The following METRN variants were observed in gnomAD, a reference collection of about 807,000 sequenced individuals.
METRN encodes the protein meteorin, glial cell differentiation regulator.
Under a neutral mutation model 17.4 loss-of-function variants are expected in METRN, and 17 were observed. The ratio of observed to expected loss-of-function variants is 0.98; its 90% CI spans 0.67 to 1.46. The LOEUF (loss-of-function observed/expected upper bound fraction) is 1.46, where lower values mean the gene tolerates loss of function less well. METRN is among the 40% of genes most tolerant of loss of function. The pLI, the probability that METRN is intolerant of heterozygous loss-of-function variation, is 0.00. For missense variants in METRN, 489 were observed against 456.2 expected (o/e 1.07, Z -0.65); for synonymous variants, 230 against 210.8 (o/e 1.09, Z -0.79).
Position 719,446 on chromosome 16 carries a change from G to C in METRN, c.*2059G>C, listed in dbSNP as rs1366719513. Reference sequence around the variant, plus strand: ...CGCCAGGCAAGTGCCAGTTCACACAGGTACAGGTGGCTGCAGAGTGCCCAA... The same window carrying C: ...CGCCAGGCAAGTGCCAGTTCACACACGTACAGGTGGCTGCAGAGTGCCCAA... On this transcript the variant is annotated 3_prime_UTR_variant, in exon 4 of 4. Transcript: ENST00000568223. 1.3e-5 allele frequency: 2 copies of C among 152,326 alleles called. No individual in the cohort carries two copies. Among genetic ancestry groups the C allele is most frequent in the African/African-American group, 4.8e-5 (2 of 41,460 alleles). The allele number at this position is 152,326 out of a possible 1,614,324, so 9.4% of individuals were successfully genotyped here.
chr16:715,969 G>GTCTGT lies in METRN; in HGVS notation c.490_491insTCTGT (p.Gly164ValfsTer6). 1.3e-6 allele frequency: 2 copies of GTCTGT among 1,496,880 alleles called. No individual in the cohort carries two copies. Among genetic ancestry groups the GTCTGT allele is most frequent in the South Asian group, 1.2e-5 (1 of 81,026 alleles). The allele number at this position is 1,496,880 out of a possible 1,614,324, so 92.7% of individuals were successfully genotyped here. On this transcript the variant is annotated frameshift_variant, in exon 2 of 4. Transcript: ENST00000568223. LOFTEE classifies it high-confidence loss of function. ...CCCCGAGCTGCCCCCGCAGGCCCAC[G>GTCTGT]GTCTCGGCGTAGACGGTGAGTGGCG...
chr16:715,523 G>A (rs1047054508), intron 1 of METRN, 61 bp from the exon 2 acceptor site: 2 of 1,282,754 alleles, frequency 1.6e-6, no homozygotes, highest in Non-Finnish European at 2.0e-6. Context: ...GGGAGGGAGC[G>A]GGGGCTGCGC....
rs752164556 is a variant in METRN at position 716,953 on chromosome 16, G to A, written c.526G>A (p.Asp176Asn). ...GCCAGGTGCCTGCAGGCCCTGCAGC[G>A]ACGCTGAGCTGCTCCTGGCCGCATG... ...GVDGACRPCS[D>N]AELLLAACTS... Residue 176 changes from aspartate (D) to asparagine (N), a missense_variant, in exon 3 of 4, where the codon GAC becomes AAC. Asp to Asn is a conservative substitution (Grantham distance 23). Transcript: ENST00000568223. The A allele has an allele frequency of 1.4e-5, 22 of 1,576,410 alleles. No homozygotes were observed. The highest frequency in any genetic ancestry group is 1.8e-5 in the Non-Finnish European group (21 of 1,159,078).
chr16:718,127 G>T lies in METRN; in HGVS notation c.*740G>T, dbSNP rs2040176776. ...TTGTTGCCTGTTTCCGGCGGGCGGG[G>T]TGCACAATGGGGTCTCTAAGGACCG... On this transcript the variant is annotated 3_prime_UTR_variant, in exon 4 of 4. Coordinates refer to ENST00000568223, the MANE Select transcript of METRN (RefSeq NM_024042.4). 6.6e-6 allele frequency: 1 copy of T among 152,310 alleles called. No homozygotes were observed. Among genetic ancestry groups the T allele is most frequent in the Non-Finnish European group, 1.5e-5 (1 of 68,094 alleles). The allele number at this position is 152,310 out of a possible 1,614,324, so 9.4% of individuals were successfully genotyped here. A position where few individuals can be genotyped will look rare whatever the true frequency, so the allele number is the denominator to read the frequency against.
chr16:716,404 G>A, intron 2 of METRN: 3 of 1,427,128 alleles, frequency 2.1e-6, no homozygotes, highest in Non-Finnish European at 2.7e-6. Flanking sequence ...GACGCCGCTC[G>A]CCTCCCTGCA....
At position 715,272 on chromosome 16, in the gene METRN, G is replaced by C; in HGVS notation, c.-18G>C. ...CGGTGGTGAGAGCCCCGACTCCCCG[G>C]ACGCCGCCCGCCGTGCCATGGGGTT... is the stretch of plus-strand genomic sequence containing the variant. On this transcript the variant is annotated 5_prime_UTR_variant, in exon 1 of 4. Transcript: ENST00000568223. 1 of 1,291,748 alleles carries C rather than the reference G, an allele frequency of 7.7e-7. No individual in the cohort carries two copies. Among genetic ancestry groups the C allele is most frequent in the Non-Finnish European group, 9.8e-7 (1 of 1,015,276 alleles). 80.0% of individuals were successfully genotyped at this position (1,291,748 alleles called of 1,614,324 possible).
At position 715,818 on chromosome 16, in the gene METRN, G is replaced by A. The variant is rs1052765134; in HGVS notation, c.339G>A (p.Pro113=). The A allele has an allele frequency of 8.4e-5, 106 of 1,266,630 alleles. No individual in the cohort carries two copies. Among genetic ancestry groups the A allele is most frequent in the Non-Finnish European group, 9.2e-5 (93 of 1,009,132 alleles). The allele number at this position is 1,266,630 out of a possible 1,614,324, so 78.5% of individuals were successfully genotyped here. The change falls in exon 2 of 4, where the codon CCG becomes CCA. Residue 113 remains proline (P), a synonymous_variant. Coordinates refer to ENST00000568223, the MANE Select transcript of METRN (RefSeq NM_024042.4). ...TGCTGCTGGCCGAGGGCCCGGGCCC[G>A]GCAGGGGGCCGCTGCGTGCGCTGGG... The part of the protein sequence containing the change: ...LELLLAEGPG[P]AGGRCVRWGP...
chr16:716,429 G>A (rs897988906), intron 2 of METRN: 1 of 1,433,706 alleles, frequency 7.0e-7, no homozygotes, highest in South Asian at 1.5e-5. Context: ...ACCAGGCCCA[G>A]CTCTTGCTTG....
chr16:717,075 T>C lies in METRN; in HGVS notation c.570T>C (p.Ile190=). The C allele has an allele frequency of 6.2e-7, 1 of 1,611,082 alleles. No individual in the cohort carries two copies. Residue 190 remains isoleucine, a synonymous_variant, in exon 4 of 4, where the codon ATT becomes ATC. Coordinates refer to ENST00000568223, the MANE Select transcript of METRN (RefSeq NM_024042.4). The part of the protein sequence containing the change: ...LLAACTSDFV[I]HGIIHGVTHD... ...CAGCCACATGCCTCCCCACAGTAATTCACGGGATCATCCATGGGGTCACCC... is the reference window on the plus strand; with the variant it reads ...CAGCCACATGCCTCCCCACAGTAATCCACGGGATCATCCATGGGGTCACCC...
chr16:715,536 G>GGCGGGGACCCGCCCCCGTCTCA, intron 1 of METRN, 48 bp from the exon 2 acceptor site: 1 of 1,289,800 alleles, frequency 7.8e-7, no homozygotes, highest in South Asian at 2.3e-5. Context: ...GGCTGCGCCG[G>GGCGGGGACCCGCCCCCGTCTCA]GCGGGGACCC....
chr16:715,990 T>C lies in METRN; in HGVS notation c.505+6T>C. On this transcript the variant is annotated splice_donor_region_variant and intron_variant, in intron 2 of 3. Transcript: ENST00000568223. ...CCACGGTCTCGGCGTAGACGGTGAGTGGCGGTCTGGTTGGGACAGGGTGGG... is the reference window on the plus strand; with the variant it reads ...CCACGGTCTCGGCGTAGACGGTGAGCGGCGGTCTGGTTGGGACAGGGTGGG... 7.1e-7 allele frequency: 1 copy of C among 1,401,312 alleles called. No individual in the cohort carries two copies. Among genetic ancestry groups the C allele is most frequent in the Admixed American group, 2.6e-5 (1 of 38,796 alleles). 86.8% of individuals were successfully genotyped at this position (1,401,312 alleles called of 1,614,324 possible). A position where few individuals can be genotyped will look rare whatever the true frequency, so the allele number is the denominator to read the frequency against.
Position 718,531 on chromosome 16 carries a change from G to T in METRN, c.*1144G>T. 1 of 152,324 alleles carries T rather than the reference G, an allele frequency of 6.6e-6. No homozygotes were observed. The highest frequency in any genetic ancestry group is 1.9e-4 in the East Asian group (1 of 5,208). The allele number at this position is 152,324 out of a possible 1,614,324, so 9.4% of individuals were successfully genotyped here. On this transcript the variant is annotated 3_prime_UTR_variant, in exon 4 of 4. Transcript: ENST00000568223. ...CAGCTGTGCAGGGCCCACAAACACG[G>T]TCCTTTCTCTAGGTTAGCGGATGCA...
At position 715,877 on chromosome 16, in the gene METRN, C is replaced by T; in HGVS notation, c.398C>T (p.Ala133Val). The change falls in exon 2 of 4, where the codon GCC becomes GTC. Residue 133 changes from alanine to valine, a missense_variant. Coordinates refer to ENST00000568223, the MANE Select transcript of METRN (RefSeq NM_024042.4). The part of the protein sequence containing the change: ...PRERRALFLQ[A>V]TPHQDISRRV... ...GAGCGCCGGGCCCTCTTCCTGCAGG[C>T]CACGCCGCACCAGGACATCAGCCGC... 1 of 1,427,958 alleles carries T rather than the reference C, an allele frequency of 7.0e-7. No homozygotes were observed. The highest frequency in any genetic ancestry group is 9.1e-7 in the Non-Finnish European group (1 of 1,096,376). 88.5% of individuals were successfully genotyped at this position (1,427,958 alleles called of 1,614,324 possible). A position where few individuals can be genotyped will look rare whatever the true frequency, so the allele number is the denominator to read the frequency against.
chr16:717,065 C>G lies in METRN; in HGVS notation c.566-6C>G. The stretch of plus-strand genomic sequence containing the variant: ...ATGCCTACCGCAGCCACATGCCTCC[C>G]CACAGTAATTCACGGGATCATCCAT... On this transcript the variant is annotated splice_polypyrimidine_tract_variant and splice_region_variant and intron_variant, in intron 3 of 3. Transcript: ENST00000568223. 2 of 1,611,524 alleles carry G rather than the reference C, an allele frequency of 1.2e-6. No homozygotes were observed. Among genetic ancestry groups the G allele is most frequent in the Non-Finnish European group, 1.7e-6 (2 of 1,179,206 alleles).
At position 717,405 on chromosome 16, in the gene METRN, A is replaced by G; in HGVS notation, c.*18A>G. 4.1e-6 allele frequency: 3 copies of G among 736,374 alleles called. No individual in the cohort carries two copies. Among genetic ancestry groups the G allele is most frequent in the South Asian group, 2.1e-5 (1 of 47,486 alleles). The allele number at this position is 736,374 out of a possible 1,614,324, so 45.6% of individuals were successfully genotyped here. ...TGCACTGAGGGGCTGGGTGCTGGGG[A>G]GGGGCTGGTAGGAGGGAGGGTGGGC... On this transcript the variant is annotated 3_prime_UTR_variant, in exon 4 of 4. Coordinates refer to ENST00000568223, the MANE Select transcript of METRN (RefSeq NM_024042.4).
rs956479386 is a variant in METRN, at chr16:718,171, A to C, written c.*784A>C. On this transcript the variant is annotated 3_prime_UTR_variant, in exon 4 of 4. Transcript: ENST00000568223. The stretch of plus-strand genomic sequence containing the variant: ...AGGACCGTTTCCCGCCACTGGCCCC[A>C]TTGTCACTGTCTCCGCCTTCCTCCT... The C allele has an allele frequency of 1.3e-5, 2 of 152,274 alleles. No individual in the cohort carries two copies. Among genetic ancestry groups the C allele is most frequent in the Non-Finnish European group, 2.9e-5 (2 of 68,088 alleles). 9.4% of individuals were successfully genotyped at this position (152,274 alleles called of 1,614,324 possible). A position where few individuals can be genotyped will look rare whatever the true frequency, so the allele number is the denominator to read the frequency against.
At position 718,582 on chromosome 16, in the gene METRN, T is replaced by A. The variant is rs1596583999; in HGVS notation, c.*1195T>A. ...GATGCCTGATGAGTGCCATGCCCTC[T>A]GTGGACACCTGGGGAGGGGGGTCAC... On this transcript the variant is annotated 3_prime_UTR_variant, in exon 4 of 4. Coordinates refer to ENST00000568223, the MANE Select transcript of METRN (RefSeq NM_024042.4). The A allele has an allele frequency of 6.7e-6, 1 of 148,498 alleles. No individual in the cohort carries two copies. The highest frequency in any genetic ancestry group is 1.9e-4 in the East Asian group (1 of 5,192). The allele number at this position is 148,498 out of a possible 1,614,324, so 9.2% of individuals were successfully genotyped here.
At chr16:715,506 C>G in intron 1 of METRN, 78 bp from the exon 2 acceptor site, 2 of 1,267,346 alleles carry the variant, frequency 1.6e-6, no homozygotes, top group Admixed American at 4.3e-5. Context: ...ATCCGCGAGG[C>G]GGCCTCGGGA....
At position 716,481 on chromosome 16, in the gene METRN, T is replaced by C. The variant is rs2040162895; in HGVS notation, c.506-452T>C. On this transcript the variant is annotated intron_variant, in intron 2 of 3. Transcript: ENST00000568223. ...GCGCCTGACCCTGAAAGGGATGGGC[T>C]CTCGCTATTCTGCCCCCTGGCCCTG... The C allele has an allele frequency of 6.1e-6, 9 of 1,464,736 alleles. No individual in the cohort carries two copies. The South Asian group carries it at 1.2e-4, about 20-fold the overall frequency. The allele number at this position is 1,464,736 out of a possible 1,614,324, so 90.7% of individuals were successfully genotyped here. A position where few individuals can be genotyped will look rare whatever the true frequency, so the allele number is the denominator to read the frequency against.
Sources: allele counts gnomAD v4.1 joint callset, GRCh38; gene constraint gnomAD v4.1.1; transcripts MANE v1.5; gene names NCBI Gene and HGNC (gene_info 2026-07-23, HGNC 2026-07-21).